Variants in STK39 observed in about 807,000 individuals in gnomAD.
STK39 encodes serine/threonine kinase 39.
A neutral mutation model predicts 77.8 loss-of-function variants in STK39; 20 were observed. The ratio of observed to expected loss-of-function variants is 0.26; its 90% CI spans 0.18 to 0.37. STK39 has a LOEUF of 0.37. Ranked by LOEUF, STK39 falls within the 10% of genes least tolerant of loss-of-function variation. The pLI is 1.00. For synonymous variants in STK39, 246 were observed against 234.1 expected (o/e 1.05, Z -0.47); for missense variants, 479 against 656.5 (o/e 0.73, Z 2.95).
rs540515464 is a variant in STK39, at chr2:167,967,347, C to T, written c.1499-2621G>A. Among the ~76,000 whole-genome samples the T allele has an allele frequency of 4.6e-5, 7 of 152,330 alleles. No homozygotes were observed. In the South Asian group the frequency reaches 1.2e-3, roughly 27 times the overall value. ...ACACCAATAATATGCACTGAGGCCC[C>T]CAGGGACTGTGGCCCTCAAGCCCTG... is the stretch of plus-strand genomic sequence containing the variant. On this transcript the variant is annotated intron_variant, in intron 16 of 17. Transcript: ENST00000355999.
At chr2:168,057,106 A>G (rs1209987897) in intron 14 of STK39, among the ~76,000 whole-genome samples, 1 of 152,208 alleles carries the variant, frequency 6.6e-6, no homozygotes, top group Non-Finnish European at 1.5e-5. Context: ...CAGCAATTCT[A>G]TGACTCATAT....
chr2:168,074,727 T>C (rs541245727), intron 12 of STK39, among the ~76,000 whole-genome samples: 1 of 152,342 alleles, frequency 6.6e-6, no homozygotes, highest in African/African-American at 2.4e-5. Context: ...CCAACCCTCA[T>C]GGCGACTTTC....
At chr2:168,094,963 TCTG>T (rs1686623653) in intron 10 of STK39, among the ~76,000 whole-genome samples, 1 of 152,178 alleles carries the variant, frequency 6.6e-6, no homozygotes, top group African/African-American at 2.4e-5. Context: ...TCTTCCCCCT[TCTG>T]TTTTGCCTTC....
chr2:168,167,835 C>G (rs1354478109), intron 2 of STK39, among the ~76,000 whole-genome samples: 3 of 152,158 alleles, frequency 2.0e-5, no homozygotes, highest in East Asian at 3.8e-4. Context: ...GCTCCTCCCT[C>G]ATCCAAAAAA....
intron 5 of STK39, among the ~76,000 whole-genome samples, chr2:168,157,504 T>C (rs145903396): frequency 1.5e-3 from 236 of 152,300 alleles, no homozygotes; most frequent in African/African-American, 5.5e-3. Flanking sequence ...ATCACAGTTC[T>C]GCAGGCTGGG....
At chr2:168,106,209 C>A (rs574296570) in intron 10 of STK39, among the ~76,000 whole-genome samples, 6 of 152,334 alleles carry the variant, frequency 3.9e-5, no homozygotes, top group Non-Finnish European at 8.8e-5. Context: ...CAAATCCCTG[C>A]TCTAACACTT....
At chr2:168,202,808 A>T (rs989236325) in intron 1 of STK39, among the ~76,000 whole-genome samples, 1 of 152,212 alleles carries the variant, frequency 6.6e-6, no homozygotes, top group African/African-American at 2.4e-5. Flanking sequence ...AAATTTTAAA[A>T]GTGAACTGAG....
chr2:167,980,351 T>C (rs1179232867), intron 16 of STK39, among the ~76,000 whole-genome samples: 2 of 152,214 alleles, frequency 1.3e-5, no homozygotes, highest in Non-Finnish European at 2.9e-5. Flanking sequence ...ATCAACTTTT[T>C]CGTACCGTCA....
intron 3 of STK39, among the ~76,000 whole-genome samples, chr2:168,167,040 G>A (rs1688709638): frequency 6.6e-6 from 1 of 152,088 alleles, no homozygotes; most frequent in African/African-American, 2.4e-5. Context: ...CATTCCGGGG[G>A]CTGCCTCTCA....
chr2:168,233,397 G>C (rs1690511106), intron 1 of STK39, among the ~76,000 whole-genome samples: 1 of 152,154 alleles, frequency 6.6e-6, no homozygotes, highest in Admixed American at 6.5e-5. Context: ...CACTGTTCCT[G>C]AGTTGCCCAA....
At chr2:168,125,075 A>G (rs558164563) in intron 10 of STK39, among the ~76,000 whole-genome samples, 3 of 152,206 alleles carry the variant, frequency 2.0e-5, no homozygotes, top group Non-Finnish European at 4.4e-5. Context: ...ATACCTATGT[A>G]ACAAACCTGC....
intron 16 of STK39, among the ~76,000 whole-genome samples, chr2:167,986,141 G>A (rs1019626635): frequency 6.6e-6 from 1 of 152,158 alleles, no homozygotes; most frequent in African/African-American, 2.4e-5. Flanking sequence ...GGGAAGCAGA[G>A]ACAATCTTAA....
intron 16 of STK39, among the ~76,000 whole-genome samples, chr2:167,969,705 C>T (rs1692274763): frequency 6.6e-6 from 1 of 152,216 alleles, no homozygotes; most frequent in African/African-American, 2.4e-5. Context: ...CCAAGTGAGG[C>T]TACCACCAAC....
intron 5 of STK39, among the ~76,000 whole-genome samples, chr2:168,154,504 G>C (rs542189406): frequency 6.6e-6 from 1 of 152,136 alleles, no homozygotes; most frequent in African/African-American, 2.4e-5. Flanking sequence ...CTAAAAATCT[G>C]TAATCAACAT....
At chr2:168,069,188 T>C (rs1208404268) in intron 12 of STK39, among the ~76,000 whole-genome samples, 4 of 152,228 alleles carry the variant, frequency 2.6e-5, no homozygotes, top group African/African-American at 4.8e-5. Flanking sequence ...AGTGCTGGGA[T>C]TACAGGCATG....
At chr2:167,977,029 C>T (rs1026352203) in intron 16 of STK39, among the ~76,000 whole-genome samples, 1 of 152,082 alleles carries the variant, frequency 6.6e-6, no homozygotes, top group Admixed American at 6.5e-5. Context: ...GTATTATTTA[C>T]ATATAGAAGG....
chr2:168,206,553 G>A (rs1689749307), intron 1 of STK39, among the ~76,000 whole-genome samples: 2 of 151,984 alleles, frequency 1.3e-5, no homozygotes, highest in Admixed American at 1.3e-4. Context: ...TGCCTGCCTC[G>A]GCCTCCCAAA....
intron 2 of STK39, among the ~76,000 whole-genome samples, chr2:168,178,551 T>C (rs1392631773): frequency 6.6e-6 from 1 of 152,186 alleles, no homozygotes; most frequent in Non-Finnish European, 1.5e-5. Flanking sequence ...TTAAGCATAA[T>C]ACAGAAACTC....
chr2:168,060,452 C>T (rs1469815212), intron 14 of STK39, among the ~76,000 whole-genome samples: 1 of 152,184 alleles, frequency 6.6e-6, no homozygotes, highest in Non-Finnish European at 1.5e-5. Flanking sequence ...CAGACAGCTG[C>T]AAGCCAAGAA....
Sources: gnomAD v4.1 joint callset for allele counts (sites outside exome capture counted in the v4.1 genomes callset) on GRCh38, gnomAD v4.1.1 for gene constraint, MANE v1.5 for transcripts, NCBI Gene and HGNC (gene_info 2026-07-23, HGNC 2026-07-21) for gene names.